Variants in SATB2 observed in about 807,000 individuals in gnomAD.
The protein encoded by SATB2 is SATB homeobox 2.
Under a neutral mutation model 73.4 loss-of-function variants are expected in SATB2, and 1 was observed. That is an observed-to-expected ratio of 0.01 (90% confidence interval 0.00 to 0.06). The LOEUF (loss-of-function observed/expected upper bound fraction) is 0.06, where lower values mean the gene tolerates loss of function less well. SATB2 is among the 10% of genes least tolerant of loss of function. The pLI is 1.00. For missense variants in SATB2, 459 were observed against 945.8 expected (o/e 0.49, Z 6.75); for synonymous variants, 397 against 367.0 (o/e 1.08, Z -0.93).
chr2:199,297,702 T>G (rs895526), intron 10 of SATB2, among the ~76,000 whole-genome samples: 2 of 151,896 alleles, frequency 1.3e-5, no homozygotes, highest in Admixed American at 1.3e-4. Context: ...CACTACATGG[T>G]TCTTTCACAA....
intron 6 of SATB2, among the ~76,000 whole-genome samples, chr2:199,360,805 A>G (rs1689115379): frequency 6.6e-6 from 1 of 151,952 alleles, no homozygotes; most frequent in Non-Finnish European, 1.5e-5. Context: ...CCCTCAGTAG[A>G]TGCATAGGCT....
chr2:199,408,679 CAAA>C (rs11306098), intron 3 of SATB2, among the ~76,000 whole-genome samples: 8 of 135,152 alleles, frequency 5.9e-5, no homozygotes, highest in Non-Finnish European at 6.5e-5. Flanking sequence ...GTTTAGTCCA[CAAA>C]AAAAAAAAAA....
chr2:199,338,612 G>A (rs1688408649), intron 7 of SATB2, among the ~76,000 whole-genome samples: 1 of 151,888 alleles, frequency 6.6e-6, no homozygotes, highest in African/African-American at 2.4e-5. Flanking sequence ...TTTGCACATT[G>A]GTCAGGGATG....
At chr2:199,282,700 G>C (rs897522504) in intron 10 of SATB2, among the ~76,000 whole-genome samples, 1 of 152,154 alleles carries the variant, frequency 6.6e-6, no homozygotes. Context: ...TTAAGAATCA[G>C]GAGTATAATG....
At chr2:199,389,846 C>CT (rs904230567) in intron 3 of SATB2, among the ~76,000 whole-genome samples, 9 of 151,094 alleles carry the variant, frequency 6.0e-5, no homozygotes, top group African/African-American at 1.2e-4. Context: ...GTCTGTCACA[C>CT]TTTTTTTTTA....
At chr2:199,434,590 T>G (rs2105930251) in intron 2 of SATB2, among the ~76,000 whole-genome samples, 1 of 152,316 alleles carries the variant, frequency 6.6e-6, no homozygotes, top group South Asian at 2.1e-4. Flanking sequence ...ATGGGTCTTC[T>G]TTTTGTGCAA....
At chr2:199,410,422 T>C (rs76822045) in intron 3 of SATB2, among the ~76,000 whole-genome samples, 6,533 of 152,314 alleles carry the variant, frequency 0.043, 196 homozygotes, top group Middle Eastern at 0.095. Context: ...TAAACTGATA[T>C]TACTGATCAC....
chr2:199,351,790 C>A (rs978495968), intron 6 of SATB2, among the ~76,000 whole-genome samples: 5 of 152,094 alleles, frequency 3.3e-5, no homozygotes, highest in Non-Finnish European at 5.9e-5. Context: ...GCTTTTAATT[C>A]AGTCAAAGTA....
At chr2:199,389,243 C>T (rs749307719) in intron 3 of SATB2, among the ~76,000 whole-genome samples, 1 of 152,112 alleles carries the variant, frequency 6.6e-6, no homozygotes, top group Non-Finnish European at 1.5e-5. Flanking sequence ...CTTTTTAATG[C>T]ATAGTTTAGC....
At position 199,272,262 on chromosome 2, in the gene SATB2, C is replaced by T. The variant is rs369675452; in HGVS notation, c.2151G>A (p.Glu717=). The change falls in exon 11 of 11, where the codon GAG becomes GAA. Residue 717 remains glutamate (E), a synonymous_variant. Coordinates refer to ENST00000417098, the MANE Select transcript of SATB2 (RefSeq NM_001172509.2). This position sits in a 1 kb window ranked among gnomAD's most constrained non-coding sequence, Gnocchi z 6.7. ...CTGCCTTGCTTTTGTCAGCATTTTC[C>T]TCCTCAGCCTCCACTTTGTACATCT... ...SEEMYKVEAE[E]ENADKSKAAP... 5.6e-6 allele frequency: 9 copies of T among 1,614,062 alleles called. No individual in the cohort carries two copies. The African/African-American group carries it at 1.2e-4, about 22-fold the overall frequency.
At position 199,455,875 on chromosome 2, in the gene SATB2, C is replaced by G. The variant is rs748892556; in HGVS notation, c.163G>C (p.Val55Leu). The G allele has an allele frequency of 4.5e-5, 69 of 1,536,960 alleles. 2 individuals are homozygous for G. The Middle Eastern group carries it at 2.9e-3, about 64-fold the overall frequency. The change falls in exon 2 of 11, where the codon GTG (valine) becomes CTG (leucine). Residue 55 changes from valine to leucine, a missense_variant. By Grantham distance (32) the Val-to-Leu change is conservative (BLOSUM62 1). This residue lies in a region of SATB2 where 74 missense variants were observed against 113.3 expected (regional missense o/e 0.65). Transcript: ENST00000417098. The surrounding 1 kb of genome is among the most constrained non-coding windows in gnomAD (Gnocchi z 4.1). ...GRPNGAVAKA[V>L]GGLMIPVFCV... The stretch of plus-strand genomic sequence containing the variant: ...CCCTGCTCCGGGCTGTTACCTCCCA[C>G]GGCCTTGGCCACGGCGCCGTTGGGC...
At chr2:199,440,680 A>G (rs527890427) in intron 2 of SATB2, among the ~76,000 whole-genome samples, 1 of 152,136 alleles carries the variant, frequency 6.6e-6, no homozygotes, top group East Asian at 1.9e-4. Flanking sequence ...TAAACTACAC[A>G]TTCCCTGAAA....
At chr2:199,403,321 TATA>T (rs1291465202) in intron 3 of SATB2, among the ~76,000 whole-genome samples, 4 of 150,896 alleles carry the variant, frequency 2.7e-5, no homozygotes, top group African/African-American at 7.5e-5. Flanking sequence ...TATTGTATTG[TATA>T]ATATTGTATA....
At chr2:199,327,478 G>T (rs1052148364) in intron 8 of SATB2, among the ~76,000 whole-genome samples, 1 of 152,040 alleles carries the variant, frequency 6.6e-6, no homozygotes, top group African/African-American at 2.4e-5. Flanking sequence ...GTTAAATACT[G>T]GTTTTGAGAA....
intron 2 of SATB2, among the ~76,000 whole-genome samples, chr2:199,452,690 TA>T (rs1442720046): frequency 6.6e-6 from 1 of 152,124 alleles, no homozygotes; most frequent in African/African-American, 2.4e-5. Flanking sequence ...AGCAGGGATA[TA>T]AAGCTGTCAA....
intron 8 of SATB2, among the ~76,000 whole-genome samples, 200 bp downstream of exon 8, chr2:199,328,498 G>C (rs1462707439): frequency 1.3e-5 from 2 of 151,972 alleles, no homozygotes; most frequent in Admixed American, 6.6e-5. Context: ...CCGAGATCAT[G>C]CTACTGCACT....
intron 8 of SATB2, among the ~76,000 whole-genome samples, chr2:199,328,307 AAGG>A (rs1009765072): frequency 1.3e-5 from 2 of 152,170 alleles, no homozygotes; most frequent in African/African-American, 4.8e-5. Flanking sequence ...TTGGGAGACC[AAGG>A]CAAGCGGATC....
At chr2:199,281,794 G>T (rs553381774) in intron 10 of SATB2, among the ~76,000 whole-genome samples, 2 of 151,912 alleles carry the variant, frequency 1.3e-5, no homozygotes, top group African/African-American at 4.8e-5. Flanking sequence ...CTGTTGGACT[G>T]TGAGCTACAT....
At chr2:199,335,683 G>A (rs987501787) in intron 7 of SATB2, among the ~76,000 whole-genome samples, 4 of 152,138 alleles carry the variant, frequency 2.6e-5, no homozygotes, top group African/African-American at 7.2e-5. Context: ...CGAACAGCAG[G>A]CTCTGGAGAC....
Sources: allele counts gnomAD v4.1 joint callset (sites outside exome capture counted in the v4.1 genomes callset), GRCh38; gene constraint gnomAD v4.1.1; regional missense constraint gnomAD v4.1.1; non-coding constraint Gnocchi (gnomAD v3.1); transcripts MANE v1.5; gene names NCBI Gene and HGNC (gene_info 2026-07-23, HGNC 2026-07-21).